The following ARHGAP24 variants were observed in gnomAD, a reference collection of about 807,000 sequenced individuals.
ARHGAP24 encodes the protein rho GTPase-activating protein 24.
ARHGAP24 carries 50 observed loss-of-function variants against 76.4 expected under a neutral mutation model. That is an observed-to-expected ratio of 0.65 (90% CI 0.52 to 0.83). The LOEUF (loss-of-function observed/expected upper bound fraction) is 0.83. Ranked by LOEUF, ARHGAP24 falls within the 40% of genes least tolerant of loss-of-function variation. ARHGAP24 has a pLI of 0.00. For synonymous variants in ARHGAP24, 345 were observed against 323.3 expected, an observed-to-expected ratio of 1.07 and a Z score of -0.72; for missense variants, 930 against 914.2, an observed-to-expected ratio of 1.02 and a Z score of -0.22.
At chr4:85,757,638 C>T (rs1397349746) in intron 3 of ARHGAP24, among the ~76,000 whole-genome samples, 1 of 152,110 alleles carries the variant, frequency 6.6e-6, no homozygotes, top group Non-Finnish European at 1.5e-5. Flanking sequence ...TGGGTTGGTT[C>T]CAAGTCTTTG....
chr4:85,817,718 G>C (rs1729302618), intron 3 of ARHGAP24, among the ~76,000 whole-genome samples: 1 of 152,108 alleles, frequency 6.6e-6, no homozygotes, highest in Non-Finnish European at 1.5e-5. Context: ...ACTTTAACTG[G>C]GGTATTTAAT....
intron 2 of ARHGAP24, among the ~76,000 whole-genome samples, chr4:85,719,508 T>G (rs1724851461): frequency 1.3e-5 from 2 of 152,284 alleles, no homozygotes; most frequent in South Asian, 2.1e-4. Context: ...CCAAGTAGGT[T>G]GAAAATTGAG....
At chr4:85,506,848 A>G (rs183209576) in intron 1 of ARHGAP24, among the ~76,000 whole-genome samples, 165 of 152,146 alleles carry the variant, frequency 1.1e-3, no homozygotes, top group African/African-American at 3.9e-3. Flanking sequence ...GGAGCTGCAG[A>G]CTGGAGCTGT....
chr4:85,871,413 A>G (rs1378025561), intron 3 of ARHGAP24, among the ~76,000 whole-genome samples: 1 of 152,208 alleles, frequency 6.6e-6, no homozygotes, highest in Non-Finnish European at 1.5e-5. Context: ...TTTCTACCTT[A>G]GTTGATTCCA....
rs148560911 is a variant in ARHGAP24, at chr4:85,647,684, A to G, written c.181-74201A>G. Among the ~76,000 whole-genome samples, 939 of 152,250 alleles carry G rather than the reference A, an allele frequency of 6.2e-3. 7 individuals are homozygous for G. Among genetic ancestry groups the G allele is most frequent in the African/African-American group, 0.012 (509 of 41,570 alleles). On this transcript the variant is annotated intron_variant, in intron 2 of 9. Coordinates refer to ENST00000395184, the MANE Select transcript of ARHGAP24 (RefSeq NM_001025616.3). The stretch of plus-strand genomic sequence containing the variant: ...GTTGATCAGGAGAGTGCTGTCCCCT[A>G]TGGCAGTGGTGCTGGCATGATAATG...
chr4:85,523,859 G>A (rs1282955602), intron 1 of ARHGAP24, among the ~76,000 whole-genome samples: 1 of 151,936 alleles, frequency 6.6e-6, no homozygotes, highest in Non-Finnish European at 1.5e-5. Flanking sequence ...TTAAAAGAAT[G>A]GATTCTATTG....
At chr4:85,691,441 G>T (rs1157621577) in intron 2 of ARHGAP24, among the ~76,000 whole-genome samples, 1 of 152,188 alleles carries the variant, frequency 6.6e-6, no homozygotes, top group Non-Finnish European at 1.5e-5. Flanking sequence ...AATGATATCA[G>T]TGTGGTGTTG....
intron 2 of ARHGAP24, among the ~76,000 whole-genome samples, chr4:85,619,285 A>G (rs557858899): frequency 1.3e-5 from 2 of 151,762 alleles, no homozygotes; most frequent in African/African-American, 2.4e-5. Flanking sequence ...AAATGCATCC[A>G]TTTATTTCTG....
intron 1 of ARHGAP24, among the ~76,000 whole-genome samples, chr4:85,501,161 T>C (rs1723798845): frequency 6.6e-6 from 1 of 152,206 alleles, no homozygotes; most frequent in African/African-American, 2.4e-5. Flanking sequence ...TCTTTGCTAT[T>C]GTGAATAGTG....
chr4:85,779,060 C>T, intron 3 of ARHGAP24: 1 of 842,268 alleles, frequency 1.2e-6, no homozygotes, highest in Non-Finnish European at 1.4e-6. Context: ...CTCTTCACCT[C>T]TATTTTGAGA....
chr4:85,839,261 GAAAGAA>G (rs1353399605), intron 3 of ARHGAP24, among the ~76,000 whole-genome samples: 1 of 152,142 alleles, frequency 6.6e-6, no homozygotes, highest in East Asian at 1.9e-4. Context: ...GTACGTTTCT[GAAAGAA>G]AGTGTATATG....
intron 4 of ARHGAP24, chr4:85,930,957 G>A (rs1290132551): frequency 1.2e-6 from 2 of 1,613,626 alleles, no homozygotes; most frequent in South Asian, 2.2e-5. Context: ...ATTCTGGGGG[G>A]TGCCCGGCTG....
chr4:85,829,926 A>G (rs1007819976), intron 3 of ARHGAP24, among the ~76,000 whole-genome samples: 1 of 152,226 alleles, frequency 6.6e-6, no homozygotes, highest in African/African-American at 2.4e-5. Context: ...TGTTCTTTAG[A>G]TAACTAGCTT....
chr4:85,903,181 A>G (rs749387460), intron 3 of ARHGAP24, among the ~76,000 whole-genome samples: 1 of 152,172 alleles, frequency 6.6e-6, no homozygotes, highest in Non-Finnish European at 1.5e-5. Context: ...TCTATACTTC[A>G]TATTAGGAAG....
intron 4 of ARHGAP24, among the ~76,000 whole-genome samples, chr4:85,930,007 C>A (rs1293339647): frequency 6.6e-6 from 1 of 152,156 alleles, no homozygotes; most frequent in Non-Finnish European, 1.5e-5. Flanking sequence ...GGAGTTTGTA[C>A]CGTAGCGTGG....
intron 3 of ARHGAP24, among the ~76,000 whole-genome samples, chr4:85,729,520 T>A (rs1188620374): frequency 6.6e-6 from 1 of 152,196 alleles, no homozygotes; most frequent in Non-Finnish European, 1.5e-5. Flanking sequence ...GACAGCATGA[T>A]CATACGATCC....
At chr4:85,890,145 C>T (rs1733808113) in intron 3 of ARHGAP24, among the ~76,000 whole-genome samples, 1 of 152,142 alleles carries the variant, frequency 6.6e-6, no homozygotes, top group Non-Finnish European at 1.5e-5. Context: ...ACAATCAGCG[C>T]CTTTCCTCTT....
At chr4:85,649,148 T>C (rs989764976) in intron 2 of ARHGAP24, among the ~76,000 whole-genome samples, 2 of 152,102 alleles carry the variant, frequency 1.3e-5, no homozygotes, top group African/African-American at 4.8e-5. Flanking sequence ...TGATGCACTT[T>C]AATTTCACAG....
chr4:85,643,686 T>C (rs118140664), intron 2 of ARHGAP24, among the ~76,000 whole-genome samples: 3,987 of 152,304 alleles, frequency 0.026, 76 homozygotes, highest in South Asian at 0.07. Flanking sequence ...TGTTTTTTTT[T>C]CCACTCAGGG....
Sources: allele counts gnomAD v4.1 joint callset (sites outside exome capture counted in the v4.1 genomes callset), GRCh38; gene constraint gnomAD v4.1.1; transcripts MANE v1.5; gene names NCBI Gene and HGNC (gene_info 2026-07-23, HGNC 2026-07-21).